The following SEPSECS variants were observed in gnomAD, a reference collection of about 807,000 sequenced individuals.
The protein encoded by SEPSECS is O-phosphoseryl-tRNA(Sec) selenium transferase.
A neutral mutation model predicts 52.1 loss-of-function variants in SEPSECS; 42 were observed. The observed-to-expected ratio is 0.81, with a 90% CI of 0.63 to 1.04. The LOEUF is 1.04. Ranked by LOEUF, SEPSECS falls within the 50% of genes least tolerant of loss-of-function variation. The pLI is 0.00. For synonymous variants in SEPSECS, 216 were observed against 211.4 expected (o/e 1.02, Z -0.19); for missense variants, 590 against 610.6 (o/e 0.97, Z 0.36).
Position 25,127,257 on chromosome 4 carries a change from A to G in SEPSECS, c.1120+7T>C. The G allele has an allele frequency of 6.3e-7, 1 of 1,589,418 alleles. No homozygotes were observed. Among genetic ancestry groups the G allele is most frequent in the Non-Finnish European group, 8.6e-7 (1 of 1,158,292 alleles). On this transcript the variant is annotated splice_region_variant and intron_variant, in intron 9 of 10. Coordinates refer to ENST00000382103, the MANE Select transcript of SEPSECS (RefSeq NM_016955.4). ...TATTTGTTTTTCTTTAGGAAAAAAG[A>G]AATTACCTAAAGATATGGGATTGTG... is the stretch of plus-strand genomic sequence containing the variant.
intron 8 of SEPSECS, among the ~76,000 whole-genome samples, chr4:25,131,558 G>A (rs1728606315): frequency 6.6e-6 from 1 of 152,138 alleles, no homozygotes; most frequent in Non-Finnish European, 1.5e-5. Flanking sequence ...TTGCCTCAGA[G>A]GCTACACCCA....
At position 25,122,420 on chromosome 4, in the gene SEPSECS, C is replaced by A. The variant is rs1183742893; in HGVS notation, c.*1511G>T. 6.6e-6 allele frequency: 1 copy of A among 152,156 alleles called. No individual in the cohort carries two copies. The highest frequency in any genetic ancestry group is 2.4e-5 in the African/African-American group (1 of 41,440). 9.4% of individuals were successfully genotyped at this position (152,156 alleles called of 1,614,324 possible). On this transcript the variant is annotated 3_prime_UTR_variant, in exon 11 of 11. Transcript: ENST00000382103. The stretch of plus-strand genomic sequence containing the variant: ...AATAAGAAAAATGCAGCCCAGAAGG[C>A]AACACAGCATTCTCTACCATAGTGT...
chr4:25,136,321 A>G (rs1036808131), intron 8 of SEPSECS, among the ~76,000 whole-genome samples: 1 of 152,156 alleles, frequency 6.6e-6, no homozygotes, highest in African/African-American at 2.4e-5. Flanking sequence ...TCTCAGCCCA[A>G]AAGTTTCTTA....
rs1302402223 is a variant in SEPSECS at position 25,122,956 on chromosome 4, C to A, written c.*975G>T. 1 of 152,094 alleles carries A rather than the reference C, an allele frequency of 6.6e-6. No individual in the cohort carries two copies. The highest frequency in any genetic ancestry group is 1.5e-5 in the Non-Finnish European group (1 of 68,004). 9.4% of individuals were successfully genotyped at this position (152,094 alleles called of 1,614,324 possible). Reference sequence around the variant, plus strand: ...TAATTTTGATGATGTCTGTGCACAACATCTGAACAAACTAACCAATATATG... The same window carrying A: ...TAATTTTGATGATGTCTGTGCACAAAATCTGAACAAACTAACCAATATATG... On this transcript the variant is annotated 3_prime_UTR_variant, in exon 11 of 11. Transcript: ENST00000382103.
At position 25,125,739 on chromosome 4, in the gene SEPSECS, G is replaced by A. The variant is rs1217620259; in HGVS notation, c.1166C>T (p.Thr389Ile). Residue 389 changes from threonine to isoleucine, a missense_variant, in exon 10 of 11, where the codon ACT becomes ATT. Physicochemically the swap from Thr to Ile is moderately conservative, Grantham distance 89. Coordinates refer to ENST00000382103, the MANE Select transcript of SEPSECS (RefSeq NM_016955.4). ...TLDEHRDKAV[T>I]QLGSMLFTRQ... ...GGTAAAAAGCATCGAGCCAAGCTGA[G>A]TGACAGCTTTGTCACGGTGTTCATC... 2 of 1,613,180 alleles carry A rather than the reference G, an allele frequency of 1.2e-6. No individual in the cohort carries two copies. Among genetic ancestry groups the A allele is most frequent in the East Asian group, 4.5e-5 (2 of 44,846 alleles).
At chr4:25,143,121 C>T (rs190170106) in intron 8 of SEPSECS, among the ~76,000 whole-genome samples, 12 of 152,278 alleles carry the variant, frequency 7.9e-5, no homozygotes, top group East Asian at 7.7e-4. Context: ...CAACAATCTA[C>T]GACCATGAAT....
intron 3 of SEPSECS, among the ~76,000 whole-genome samples, chr4:25,156,403 TAA>T (rs10709028): frequency 1.0e-4 from 15 of 150,212 alleles, no homozygotes; most frequent in South Asian, 2.1e-4. Context: ...ACTTTTTATT[TAA>T]AAAAAAAAAG....
At chr4:25,143,124 C>A (rs1271413212) in intron 8 of SEPSECS, among the ~76,000 whole-genome samples, 3 of 152,170 alleles carry the variant, frequency 2.0e-5, no homozygotes, top group Non-Finnish European at 2.9e-5. Flanking sequence ...CAATCTACGA[C>A]CATGAATGAT....
intron 9 of SEPSECS, among the ~76,000 whole-genome samples, chr4:25,126,357 G>C (rs976636426): frequency 2.6e-5 from 4 of 152,050 alleles, no homozygotes; most frequent in African/African-American, 7.2e-5. Context: ...CGGAATTCAA[G>C]CTACACAATA....
chr4:25,153,213 A>G (rs1247030779), intron 5 of SEPSECS, among the ~76,000 whole-genome samples: 1 of 151,974 alleles, frequency 6.6e-6, no homozygotes, highest in Non-Finnish European at 1.5e-5. Flanking sequence ...TAATCAGATG[A>G]TGTTTTTAAC....
intron 6 of SEPSECS, among the ~76,000 whole-genome samples, chr4:25,147,046 C>T (rs1712003748): frequency 6.6e-6 from 1 of 152,218 alleles, no homozygotes; most frequent in Non-Finnish European, 1.5e-5. Context: ...CATTATGGTT[C>T]AGCCATACTG....
Position 25,120,049 on chromosome 4 carries a change from T to C in SEPSECS, c.*3882A>G, listed in dbSNP as rs112431959. 6.6e-6 allele frequency: 1 copy of C among 152,052 alleles called. No individual in the cohort carries two copies. The highest frequency in any genetic ancestry group is 1.9e-4 in the East Asian group (1 of 5,200). The allele number at this position is 152,052 out of a possible 1,614,324, so 9.4% of individuals were successfully genotyped here. A position where few individuals can be genotyped will look rare whatever the true frequency, so the allele number is the denominator to read the frequency against. ...AAAATTTATTTCATATAATAAATTATATAATTTATTTTCATCTTTAAACAG... is the reference window on the plus strand; with the variant it reads ...AAAATTTATTTCATATAATAAATTACATAATTTATTTTCATCTTTAAACAG... On this transcript the variant is annotated 3_prime_UTR_variant, in exon 11 of 11. Transcript: ENST00000382103.
intron 9 of SEPSECS, among the ~76,000 whole-genome samples, chr4:25,126,552 T>C (rs1728381408): frequency 6.6e-6 from 1 of 152,186 alleles, no homozygotes; most frequent in Non-Finnish European, 1.5e-5. Context: ...TTATATTACA[T>C]ATATTCACAA....
intron 6 of SEPSECS, among the ~76,000 whole-genome samples, chr4:25,148,863 T>A (rs1577622867): frequency 6.6e-6 from 1 of 152,220 alleles, no homozygotes. Context: ...TCAAAGAAAT[T>A]TTTTAACAAA....
chr4:25,155,283 A>T, intron 4 of SEPSECS, 132 bp from the exon 5 acceptor site: 1 of 974,272 alleles, frequency 1.0e-6, no homozygotes, highest in Non-Finnish European at 1.6e-6. Context: ...TTCCTCTGGT[A>T]ATAAATACAC....
In SEPSECS at chr4:25,156,097, T is replaced by A; in HGVS notation, c.487A>T (p.Lys163Ter). Residue 163 changes from lysine to a stop codon, truncating the protein, a stop_gained, in exon 4 of 11, where the codon AAG becomes TAG. Coordinates refer to ENST00000382103, the MANE Select transcript of SEPSECS (RefSeq NM_016955.4). LOFTEE classifies it high-confidence loss of function. Reference protein sequence around the residue: ...LTLRHKRPKAKYIIWPRIDQK... With the variant: ...LTLRHKRPKA ...TCTATTCGTGGCCATATAATATACT[T>A]TGCCTTTGGTCTTTTGTGTCGTAAT... is the stretch of plus-strand genomic sequence containing the variant. 6.2e-7 allele frequency: 1 copy of A among 1,613,998 alleles called. No individual in the cohort carries two copies. The highest frequency in any genetic ancestry group is 8.5e-7 in the Non-Finnish European group (1 of 1,179,912).
In SEPSECS at chr4:25,160,296, C is replaced by T. The variant is rs564871717; in HGVS notation, c.74G>A (p.Arg25His). Residue 25 changes from arginine to histidine, a missense_variant, in exon 1 of 11, where the codon CGC (arginine) becomes CAC (histidine). Physicochemically the swap from Arg to His is conservative, Grantham distance 29 (BLOSUM62 0). Transcript: ENST00000382103. ...PAYVRQGCEARRSHEHLIRLL... is the reference protein window; with the variant it reads ...PAYVRQGCEAHRSHEHLIRLL... ...CCGTATGAGGTGCTCATGCGAGCGG[C>T]GGGCCTCACAGCCCTGCCGCACGTA... is the stretch of plus-strand genomic sequence containing the variant. The T allele has an allele frequency of 7.7e-6, 12 of 1,551,686 alleles. No individual in the cohort carries two copies. The highest frequency in any genetic ancestry group is 1.9e-5 in the Admixed American group (1 of 51,426).
At chr4:25,135,331 T>A (rs1284009019) in intron 8 of SEPSECS, among the ~76,000 whole-genome samples, 1 of 148,512 alleles carries the variant, frequency 6.7e-6, no homozygotes, top group Admixed American at 6.7e-5. Flanking sequence ...GCTAGACTAA[T>A]AAGAAAAGAG....
At chr4:25,134,211 G>A (rs577085470) in intron 8 of SEPSECS, among the ~76,000 whole-genome samples, 1 of 148,942 alleles carries the variant, frequency 6.7e-6, no homozygotes, top group African/African-American at 2.5e-5. Context: ...GGACACAGAG[G>A]TACATGCCTA....
Sources: allele counts gnomAD v4.1 joint callset (sites outside exome capture counted in the v4.1 genomes callset), GRCh38; gene constraint gnomAD v4.1.1; transcripts MANE v1.5; gene names NCBI Gene and HGNC (gene_info 2026-07-23, HGNC 2026-07-21).